Variants in LRRFIP2 observed in about 807,000 individuals in gnomAD.
The protein encoded by LRRFIP2 is leucine-rich repeat flightless-interacting protein 2.
Under a neutral mutation model 125.9 loss-of-function variants are expected in LRRFIP2, and 109 were observed. That is an observed-to-expected ratio of 0.87 (90% CI 0.74 to 1.01). The LOEUF (loss-of-function observed/expected upper bound fraction) is 1.01, where lower values mean the gene tolerates loss of function less well. Among genes scored for constraint, LRRFIP2 ranks in the 50% least tolerant of loss-of-function variants. LRRFIP2 has a pLI of 0.00. For missense variants in LRRFIP2, 850 were observed against 862.3 expected (o/e 0.99, Z 0.18); for synonymous variants, 291 against 293.1 (o/e 0.99, Z 0.07).
chr3:37,135,132 C>A (rs757050739), intron 2 of LRRFIP2: 22 of 1,219,184 alleles, frequency 1.8e-5, no homozygotes, highest in Non-Finnish European at 2.5e-5. Context: ...GAATAACCTG[C>A]ATTATAGCTG....
intron 8 of LRRFIP2, among the ~76,000 whole-genome samples, chr3:37,111,447 T>C (rs943279958): frequency 1.3e-5 from 2 of 152,132 alleles, no homozygotes; most frequent in African/African-American, 4.8e-5. Context: ...TTCCAAACAT[T>C]TCCTAGTCCC....
At chr3:37,139,147 A>G (rs967398011) in intron 2 of LRRFIP2, among the ~76,000 whole-genome samples, 1 of 129,198 alleles carries the variant, frequency 7.7e-6, no homozygotes, top group African/African-American at 2.6e-5. Flanking sequence ...CACGATTTAA[A>G]CAAAAATAAA....
At chr3:37,068,109 T>G (rs2090487452) in intron 21 of LRRFIP2, 2 of 152,238 alleles carry the variant, frequency 1.3e-5, no homozygotes, top group South Asian at 4.1e-4. Flanking sequence ...CTAGCTAGTG[T>G]TAACACTCCA....
chr3:37,117,791 GTGAA>G (rs1381624312), intron 6 of LRRFIP2, among the ~76,000 whole-genome samples: 7 of 152,272 alleles, frequency 4.6e-5, no homozygotes, highest in Admixed American at 3.3e-4. Context: ...AAAGTCAAAA[GTGAA>G]TGCATAACAC....
intron 25 of LRRFIP2, among the ~76,000 whole-genome samples, chr3:37,058,070 G>C (rs2087432707): frequency 6.6e-6 from 1 of 152,176 alleles, no homozygotes; most frequent in Non-Finnish European, 1.5e-5. Flanking sequence ...GTTCCAAATA[G>C]ATTCGTCCAA....
At chr3:37,127,269 A>T (rs1286475896) in intron 4 of LRRFIP2, among the ~76,000 whole-genome samples, 1 of 152,240 alleles carries the variant, frequency 6.6e-6, no homozygotes, top group African/African-American at 2.4e-5. Context: ...AGAGGAAATG[A>T]AAAGAATTAC....
intron 24 of LRRFIP2, among the ~76,000 whole-genome samples, chr3:37,061,599 G>A (rs904786801): frequency 6.6e-6 from 1 of 151,720 alleles, no homozygotes; most frequent in Non-Finnish European, 1.5e-5. Flanking sequence ...CACCATGTTG[G>A]CCAGGCTGGT....
At position 37,091,305 on chromosome 3, in the gene LRRFIP2, T is replaced by C. The variant is rs140407685; in HGVS notation, c.1107+162A>G. 1.1e-4 allele frequency among the ~76,000 whole-genome samples: 17 copies of C among 152,180 alleles called. No homozygotes were observed. The East Asian group carries it at 3.3e-3, about 29-fold the overall frequency. On this transcript the variant is annotated intron_variant, in intron 18 of 27. Transcript: ENST00000336686. ...CTACACATTTAAACATAAGCAGAGA[T>C]TGAAAGTTCACCATTCCTATGCACT...
At chr3:37,142,766 AAAAG>A (rs1371097079) in intron 2 of LRRFIP2, among the ~76,000 whole-genome samples, 2 of 152,208 alleles carry the variant, frequency 1.3e-5, no homozygotes, top group East Asian at 3.8e-4. Flanking sequence ...TTTGTTGGGG[AAAAG>A]AATAAGAAAG....
Position 37,127,720 on chromosome 3 carries a change from C to A in LRRFIP2, c.178-40G>T, listed in dbSNP as rs746408446. Reference sequence around the variant, plus strand: ...ATTTCATAAACCAAATAGTTTCTAACATATTGCATTCTCCAAAAACCTTAA... The same window carrying A: ...ATTTCATAAACCAAATAGTTTCTAAAATATTGCATTCTCCAAAAACCTTAA... On this transcript the variant is annotated intron_variant, in intron 3 of 27. Transcript: ENST00000336686. 1.5e-5 allele frequency: 23 copies of A among 1,501,010 alleles called. No individual in the cohort carries two copies. In the African/African-American group the frequency reaches 2.9e-4, roughly 19 times the overall value. 93.0% of individuals were successfully genotyped at this position (1,501,010 alleles called of 1,614,324 possible). A position where few individuals can be genotyped will look rare whatever the true frequency, so the allele number is the denominator to read the frequency against.
intron 1 of LRRFIP2, among the ~76,000 whole-genome samples, chr3:37,165,845 G>GAAAGAA (rs1560167200): frequency 4.8e-5 from 7 of 145,354 alleles, no homozygotes; most frequent in African/African-American, 1.8e-4. Flanking sequence ...AAGAAAGAAA[G>GAAAGAA]AAAGAAAGAA....
chr3:37,110,040 T>C (rs1310138142), intron 9 of LRRFIP2, among the ~76,000 whole-genome samples: 1 of 151,156 alleles, frequency 6.6e-6, no homozygotes, highest in Non-Finnish European at 1.5e-5. Flanking sequence ...GTACCGGGAG[T>C]GTGGAAAACA....
intron 21 of LRRFIP2, among the ~76,000 whole-genome samples, chr3:37,072,501 C>CAAAA (rs907848276): frequency 6.1e-4 from 21 of 34,432 alleles, no homozygotes; most frequent in African/African-American, 1.0e-3. Flanking sequence ...GACTCCGTCT[C>CAAAA]AAAAAAAAAA....
chr3:37,109,109 C>G (rs1393938802), intron 11 of LRRFIP2, among the ~76,000 whole-genome samples: 1 of 152,154 alleles, frequency 6.6e-6, no homozygotes, highest in African/African-American at 2.4e-5. Flanking sequence ...GCAACAAATT[C>G]ACAGCTCACA....
intron 1 of LRRFIP2, among the ~76,000 whole-genome samples, chr3:37,154,120 G>A (rs1184620184): frequency 6.6e-6 from 1 of 152,108 alleles, no homozygotes; most frequent in Non-Finnish European, 1.5e-5. Flanking sequence ...AGGTTACGGT[G>A]AGCCGTGATA....
intron 25 of LRRFIP2, among the ~76,000 whole-genome samples, chr3:37,055,540 T>TG (rs1447187290): frequency 5.3e-5 from 8 of 152,020 alleles, no homozygotes; most frequent in South Asian, 2.1e-4. Flanking sequence ...CACTCCAGCC[T>TG]GGCAACAGAG....
chr3:37,108,652 A>C lies in LRRFIP2; in HGVS notation c.642T>G (p.Pro214=). Residue 214 remains proline, a synonymous_variant, in exon 12 of 28, where the codon CCT becomes CCG. Coordinates refer to ENST00000336686, the MANE Select transcript of LRRFIP2 (RefSeq NM_006309.4). ...TTAGACTTACAGTTCGAGGACCATAAGGGTTATATAATCCACCATTGTACA... is the reference window on the plus strand; with the variant it reads ...TTAGACTTACAGTTCGAGGACCATACGGGTTATATAATCCACCATTGTACA... ...ASLYNGGLYN[P]YGPRTPSECS... 1 of 1,610,102 alleles carries C rather than the reference A, an allele frequency of 6.2e-7. No individual in the cohort carries two copies.
At chr3:37,126,575 T>C (rs1309292336) in intron 4 of LRRFIP2, among the ~76,000 whole-genome samples, 1 of 151,526 alleles carries the variant, frequency 6.6e-6, no homozygotes, top group Non-Finnish European at 1.5e-5. Flanking sequence ...AAAAAAAGAT[T>C]TGGCTGGGCG....
intron 1 of LRRFIP2, chr3:37,154,779 T>C (rs1343323386): frequency 1.3e-5 from 2 of 152,220 alleles, no homozygotes; most frequent in Non-Finnish European, 2.9e-5. Context: ...CATGATATTG[T>C]CCACTTTTGT....
Sources: gnomAD v4.1 joint callset for allele counts (sites outside exome capture counted in the v4.1 genomes callset) on GRCh38, gnomAD v4.1.1 for gene constraint, MANE v1.5 for transcripts, NCBI Gene and HGNC (gene_info 2026-07-23, HGNC 2026-07-21) for gene names.